Variants in GARNL3 observed in about 807,000 individuals in gnomAD.
The protein encoded by GARNL3 is GTPase-activating Rap/Ran-GAP domain-like protein 3.
A neutral mutation model predicts 125.0 loss-of-function variants in GARNL3; 63 were observed. The observed-to-expected ratio is 0.50, with a 90% CI of 0.41 to 0.62. GARNL3 has a LOEUF of 0.62. Among genes scored for constraint, GARNL3 ranks in the 20% least tolerant of loss-of-function variants. The pLI is 0.00. For missense variants in GARNL3, 994 were observed against 1,244.0 expected, an observed-to-expected ratio of 0.80 and a Z score of 3.02; for synonymous variants, 439 against 457.5, an observed-to-expected ratio of 0.96 and a Z score of 0.52.
chr9:127,323,156 A>T (rs1339717487), intron 6 of GARNL3, among the ~76,000 whole-genome samples: 1 of 152,218 alleles, frequency 6.6e-6, no homozygotes, highest in Non-Finnish European at 1.5e-5. Context: ...TAATGCCAGT[A>T]GGACTGTATT....
At chr9:127,279,542 A>G (rs974349296) in intron 1 of GARNL3, among the ~76,000 whole-genome samples, 1 of 152,082 alleles carries the variant, frequency 6.6e-6, no homozygotes, top group African/African-American at 2.4e-5. Flanking sequence ...GAAGATTTTA[A>G]TCCTACATTT....
intron 2 of GARNL3, chr9:127,300,999 G>A (rs540145951): frequency 7.3e-4 from 132 of 179,840 alleles, no homozygotes; most frequent in South Asian, 1.3e-3. Context: ...AACCCAGGTG[G>A]TTCCCTCTGC....
chr9:127,346,764 A>G (rs1830159376), intron 16 of GARNL3, among the ~76,000 whole-genome samples: 1 of 152,138 alleles, frequency 6.6e-6, no homozygotes, highest in African/African-American at 2.4e-5. Flanking sequence ...GGCTCTGCAG[A>G]GGCCAGAGCC....
intron 6 of GARNL3, among the ~76,000 whole-genome samples, chr9:127,321,704 A>G (rs1449525801): frequency 6.6e-6 from 1 of 152,244 alleles, no homozygotes; most frequent in Non-Finnish European, 1.5e-5. Flanking sequence ...CATCACTAGT[A>G]GAGTGCCTGT....
At chr9:127,344,039 C>T (rs761093359) in intron 14 of GARNL3, among the ~76,000 whole-genome samples, 196 bp from the exon 15 acceptor site, 1 of 152,126 alleles carries the variant, frequency 6.6e-6, no homozygotes, top group Non-Finnish European at 1.5e-5. Context: ...AATGCTGGCT[C>T]TCCACCTAGT....
chr9:127,345,517 C>A (rs920654087), intron 16 of GARNL3, 40 bp downstream of exon 16: 1 of 1,254,918 alleles, frequency 8.0e-7, no homozygotes, highest in Non-Finnish European at 1.1e-6. Context: ...TTGAATTCCC[C>A]TTTTCCTTAA....
intron 2 of GARNL3, among the ~76,000 whole-genome samples, chr9:127,292,053 T>C (rs1462076059): frequency 6.6e-6 from 1 of 152,178 alleles, no homozygotes; most frequent in Non-Finnish European, 1.5e-5. Context: ...TTGATGGTTA[T>C]TGTTATTGTC....
intron 22 of GARNL3, among the ~76,000 whole-genome samples, chr9:127,374,920 AAAAAAC>A (rs1831811256): frequency 6.6e-6 from 1 of 151,880 alleles, no homozygotes; most frequent in African/African-American, 2.4e-5. Flanking sequence ...AAAAAAAAAA[AAAAAAC>A]AACAAAGAAA....
intron 26 of GARNL3, among the ~76,000 whole-genome samples, chr9:127,390,216 C>G (rs1464434373): frequency 6.6e-6 from 1 of 152,170 alleles, no homozygotes. Context: ...CTAACAAAGT[C>G]CATTGGTTTT....
intron 1 of GARNL3, among the ~76,000 whole-genome samples, chr9:127,287,770 A>C (rs1329454020): frequency 6.6e-6 from 1 of 152,178 alleles, no homozygotes; most frequent in African/African-American, 2.4e-5. Flanking sequence ...TGATTAAGTT[A>C]CTGCCCAACC....
chr9:127,379,520 A>G (rs1832128239), intron 22 of GARNL3, among the ~76,000 whole-genome samples: 1 of 152,216 alleles, frequency 6.6e-6, no homozygotes. Flanking sequence ...CTTCTGGGGA[A>G]GAAGTTGGCA....
At chr9:127,382,935 C>T (rs1304091314) in intron 22 of GARNL3, among the ~76,000 whole-genome samples, 2 of 152,194 alleles carry the variant, frequency 1.3e-5, no homozygotes, top group Non-Finnish European at 2.9e-5. Context: ...GGGCATTCTC[C>T]ACCCAAGGGC....
At chr9:127,235,082 A>G (rs1429374214) in intron 1 of GARNL3, among the ~76,000 whole-genome samples, 1 of 152,182 alleles carries the variant, frequency 6.6e-6, no homozygotes, top group Non-Finnish European at 1.5e-5. Flanking sequence ...CATATGTGTT[A>G]AGTGAAGAGA....
chr9:127,299,223 A>G (rs1453123852), intron 2 of GARNL3, among the ~76,000 whole-genome samples: 1 of 151,174 alleles, frequency 6.6e-6, no homozygotes, highest in Admixed American at 6.6e-5. Flanking sequence ...AAGCTGAGGC[A>G]GGAGAATGGC....
chr9:127,344,540 C>T (rs1564161333), intron 15 of GARNL3, among the ~76,000 whole-genome samples: 1 of 152,202 alleles, frequency 6.6e-6, no homozygotes, highest in Non-Finnish European at 1.5e-5. Flanking sequence ...GAGAGAGCAA[C>T]ACTCTGCAGA....
intron 16 of GARNL3, among the ~76,000 whole-genome samples, chr9:127,347,399 G>A (rs1021058681): frequency 3.3e-5 from 5 of 152,100 alleles, no homozygotes. Context: ...TCCAGCCTGG[G>A]TGACAGAGCA....
rs531476618 is a variant in GARNL3 at position 127,242,983 on chromosome 9, A to C, written c.-28-96A>C. ...AGTGTCACCCTCCTCCTTGCTTACC[A>C]GCGGGGCTGCCTTTGGGAGGAGGGT... On this transcript the variant is annotated intron_variant, in intron 1 of 10. Coordinates refer to the GARNL3 transcript ENST00000439286. The surrounding 1 kb of genome is among the most constrained non-coding windows in gnomAD (Gnocchi z 4.6). 1.0e-5 allele frequency: 11 copies of C among 1,093,638 alleles called. No individual in the cohort carries two copies. The South Asian group carries it at 1.7e-4, about 17-fold the overall frequency. The allele number at this position is 1,093,638 out of a possible 1,614,324, so 67.7% of individuals were successfully genotyped here.
At chr9:127,367,714 G>A (rs1424313544) in intron 22 of GARNL3, among the ~76,000 whole-genome samples, 1 of 152,158 alleles carries the variant, frequency 6.6e-6, no homozygotes, top group Non-Finnish European at 1.5e-5. Flanking sequence ...AAACTCTTGT[G>A]TTTGCTGATG....
chr9:127,304,421 C>T (rs1366204632), intron 2 of GARNL3, among the ~76,000 whole-genome samples: 2 of 151,812 alleles, frequency 1.3e-5, no homozygotes, highest in Middle Eastern at 3.2e-3. Context: ...TTGGCAGTAT[C>T]TGCTAAAACT....
Sources: allele counts gnomAD v4.1 joint callset (sites outside exome capture counted in the v4.1 genomes callset), GRCh38; gene constraint gnomAD v4.1.1; non-coding constraint Gnocchi (gnomAD v3.1); transcripts MANE v1.5; gene names NCBI Gene and HGNC (gene_info 2026-07-23, HGNC 2026-07-21).